Variants in EPHB3 observed in about 807,000 individuals in gnomAD.
EPHB3 encodes the protein ephrin type-B receptor 3.
A neutral mutation model predicts 100.2 loss-of-function variants in EPHB3; 33 were observed. The observed-to-expected ratio is 0.33, with a 90% CI of 0.25 to 0.44. The LOEUF is 0.44. Ranked by LOEUF, EPHB3 falls within the 20% of genes least tolerant of loss-of-function variation. The probability of loss-of-function intolerance (pLI) is 1.00; values close to 1 mark genes in which losing one functional copy is unlikely to be tolerated. For synonymous variants in EPHB3, 526 were observed against 554.7 expected, an observed-to-expected ratio of 0.95 and a Z score of 0.73; for missense variants, 1,045 against 1,378.3, an observed-to-expected ratio of 0.76 and a Z score of 3.83.
At position 184,581,054 on chromosome 3, in the gene EPHB3, G is replaced by T; in HGVS notation, c.2621G>T (p.Cys874Phe). The T allele has an allele frequency of 6.2e-7, 1 of 1,614,158 alleles. No individual in the cohort carries two copies. The highest frequency in any genetic ancestry group is 8.5e-7 in the Non-Finnish European group (1 of 1,180,024). ...PTALHQLMLD[C>F]WVRDRNLRPK... Reference sequence around the variant, plus strand: ...GCACTGCACCAGCTCATGCTGGACTGCTGGGTGCGGGACCGGAACCTCAGG... The same window carrying T: ...GCACTGCACCAGCTCATGCTGGACTTCTGGGTGCGGGACCGGAACCTCAGG... The change falls in exon 14 of 16, where the codon TGC (cysteine) becomes TTC (phenylalanine). Residue 874 changes from cysteine to phenylalanine, a missense_variant. By Grantham distance (205) the Cys-to-Phe change is radical. Around this residue, in one of 2 missense-constraint regions of EPHB3, gnomAD observed 985 missense variants for 1,331.1 expected, o/e 0.74. Coordinates refer to ENST00000330394, the MANE Select transcript of EPHB3 (RefSeq NM_004443.4).
Position 184,573,291 on chromosome 3 carries a change from C to T in EPHB3, c.856+115C>T, listed in dbSNP as rs953848060. 1.5e-6 allele frequency: 2 copies of T among 1,325,078 alleles called. No homozygotes were observed. Among genetic ancestry groups the T allele is most frequent in the Admixed American group, 2.0e-5 (1 of 49,264 alleles). The allele number at this position is 1,325,078 out of a possible 1,614,324, so 82.1% of individuals were successfully genotyped here. On this transcript the variant is annotated intron_variant, in intron 3 of 15. Transcript: ENST00000330394. This position sits in a 1 kb window ranked among gnomAD's most constrained non-coding sequence, Gnocchi z 4.5. The stretch of plus-strand genomic sequence containing the variant: ...TGACTAGGAGGTCTGGGAGCAGGTC[C>T]ACAGTGGAGGCAGGAGAGGGAAGAG...
In EPHB3 at chr3:184,581,384, A is replaced by T. The variant is rs1283844442; in HGVS notation, c.2864A>T (p.Asp955Val). The T allele has an allele frequency of 1.3e-6, 2 of 1,593,372 alleles. No homozygotes were observed. The highest frequency in any genetic ancestry group is 8.6e-7 in the Non-Finnish European group (1 of 1,168,866). Residue 955 changes from aspartate (D) to valine (V), a missense_variant, in exon 15 of 16, where the codon GAC becomes GTC. Asp to Val is a radical substitution (Grantham distance 152). Transcript: ENST00000330394. ...GTCAGTGCGGGGTTTGCATCTTTTG[A>T]CCTGGTGGCCCAGATGACGGCAGAG... ...SFVSAGFASF[D>V]LVAQMTAEDL...
Position 184,577,699 on chromosome 3 carries a change from C to T in EPHB3, c.1521C>T (p.Ser507=), listed in dbSNP as rs771807323. Residue 507 remains serine, a synonymous_variant, in exon 7 of 16, where the codon TCC becomes TCT. Transcript: ENST00000330394. This position sits in a 1 kb window ranked among gnomAD's most constrained non-coding sequence, Gnocchi z 4.9. ...IASTVTSQMN[S]VQLDGLRPDA... ...CCACAGTGACCAGCCAGATGAACTC[C>T]GTGCAGCTGGACGGGCTTCGGCCTG... is the stretch of plus-strand genomic sequence containing the variant. 2.0e-5 allele frequency: 33 copies of T among 1,610,070 alleles called. No individual in the cohort carries two copies. The highest frequency in any genetic ancestry group is 2.0e-4 in the African/African-American group (15 of 74,872).
intron 4 of EPHB3, 115 bp downstream of exon 4, chr3:184,576,100 C>T: frequency 7.2e-7 from 1 of 1,392,538 alleles, no homozygotes; most frequent in Non-Finnish European, 9.6e-7. Flanking sequence ...GGAGCTGAGG[C>T]TCAGGGAAGT....
Position 184,562,453 on chromosome 3 carries a change from G to T in EPHB3, c.118+100G>T. ...CGACCCGGATTGAGCGCACGTCGGA[G>T]GAGGCCCCGCCACCGGCGCCCGCTC... is the stretch of plus-strand genomic sequence containing the variant. On this transcript the variant is annotated intron_variant, in intron 1 of 15. Transcript: ENST00000330394. This position sits in a 1 kb window ranked among gnomAD's most constrained non-coding sequence, Gnocchi z 4.8. 8.9e-7 allele frequency: 1 copy of T among 1,119,534 alleles called. No individual in the cohort carries two copies. The highest frequency in any genetic ancestry group is 1.1e-6 in the Non-Finnish European group (1 of 915,286). 69.4% of individuals were successfully genotyped at this position (1,119,534 alleles called of 1,614,324 possible).
Position 184,563,291 on chromosome 3 carries a change from G to T in EPHB3, c.118+938G>T, listed in dbSNP as rs1216963037. ...TCACGCCCCGTTTCCAAGAATTTCGGAGCCATTAAATGAGAGAGGGTCAGA... is the reference window on the plus strand; with the variant it reads ...TCACGCCCCGTTTCCAAGAATTTCGTAGCCATTAAATGAGAGAGGGTCAGA... On this transcript the variant is annotated intron_variant, in intron 1 of 15. Coordinates refer to ENST00000330394, the MANE Select transcript of EPHB3 (RefSeq NM_004443.4). The surrounding 1 kb of genome is among the most constrained non-coding windows in gnomAD (Gnocchi z 4.1). Among the ~76,000 whole-genome samples the T allele has an allele frequency of 2.0e-5, 3 of 152,160 alleles. No homozygotes were observed. The highest frequency in any genetic ancestry group is 7.2e-5 in the African/African-American group (3 of 41,422).
chr3:184,580,449 G>A lies in EPHB3; in HGVS notation c.2220G>A (p.Arg740=). 1 of 1,614,198 alleles carries A rather than the reference G, an allele frequency of 6.2e-7. No individual in the cohort carries two copies. Among genetic ancestry groups the A allele is most frequent in the Middle Eastern group, 1.6e-4 (1 of 6,062 alleles). ...TCATCCAGCTGGTGGGCATGTTGCG[G>A]GGCATTGCTGCCGGCATGAAGTACC... is the stretch of plus-strand genomic sequence containing the variant. The part of the protein sequence containing the change: ...FTVIQLVGML[R]GIAAGMKYLS... Residue 740 remains arginine (R), a synonymous_variant, in exon 12 of 16, where the codon CGG becomes CGA. Coordinates refer to ENST00000330394, the MANE Select transcript of EPHB3 (RefSeq NM_004443.4).
chr3:184,567,603 C>T (rs985916292), intron 1 of EPHB3, among the ~76,000 whole-genome samples: 3 of 152,064 alleles, frequency 2.0e-5, no homozygotes, highest in Admixed American at 2.0e-4. Context: ...TTTGCAGGGG[C>T]TGTGGCATAT....
Position 184,572,428 on chromosome 3 carries a change from G to C in EPHB3, c.184-76G>C. 6 of 1,474,810 alleles carry C rather than the reference G, an allele frequency of 4.1e-6. No homozygotes were observed. The highest frequency in any genetic ancestry group is 1.4e-5 in the South Asian group (1 of 69,576). 91.4% of individuals were successfully genotyped at this position (1,474,810 alleles called of 1,614,324 possible). The stretch of plus-strand genomic sequence containing the variant: ...TAGAAGCATCCCTGTGAAGTAAATA[G>C]AGCAGATCTGGGCACGAGGGAAGCA... On this transcript the variant is annotated intron_variant, in intron 2 of 15. Transcript: ENST00000330394. The surrounding 1 kb of genome is among the most constrained non-coding windows in gnomAD (Gnocchi z 6.6).
At chr3:184,566,255 G>C (rs948737787) in intron 1 of EPHB3, among the ~76,000 whole-genome samples, 20 of 152,352 alleles carry the variant, frequency 1.3e-4, no homozygotes, top group Non-Finnish European at 2.1e-4. Context: ...ACAGTGGGGT[G>C]GGGGCATGGA....
At chr3:184,576,725 T>C in intron 4 of EPHB3, 117 bp from the exon 5 acceptor site, 1 of 1,010,628 alleles carries the variant, frequency 9.9e-7, no homozygotes, top group Non-Finnish European at 1.4e-6. Flanking sequence ...ATTCTGCTTA[T>C]CAAAGCAGAG....
chr3:184,577,531 A>G lies in EPHB3; in HGVS notation c.1479+64A>G, dbSNP rs1479421201. On this transcript the variant is annotated intron_variant, in intron 6 of 15. Transcript: ENST00000330394. This position sits in a 1 kb window ranked among gnomAD's most constrained non-coding sequence, Gnocchi z 4.9. The stretch of plus-strand genomic sequence containing the variant: ...GCTGGGCTGAGAAAATTACCCCCGG[A>G]TCATGATGGGGCCCTTGGGAGCAAG... The G allele has an allele frequency of 1.2e-6, 2 of 1,603,556 alleles. No individual in the cohort carries two copies. Among genetic ancestry groups the G allele is most frequent in the Non-Finnish European group, 1.7e-6 (2 of 1,174,320 alleles).
chr3:184,564,751 G>A (rs541021260), intron 1 of EPHB3, among the ~76,000 whole-genome samples: 98 of 152,270 alleles, frequency 6.4e-4, no homozygotes, highest in Middle Eastern at 6.8e-3. Context: ...GGCCCAGTGG[G>A]CAGCTGTTTT....
rs1560064555 is a variant in EPHB3 at position 184,580,391 on chromosome 3, G to A, written c.2173-11G>A. The A allele has an allele frequency of 8.7e-6, 14 of 1,614,206 alleles. No individual in the cohort carries two copies. The highest frequency in any genetic ancestry group is 1.2e-5 in the Non-Finnish European group (14 of 1,180,016). On this transcript the variant is annotated splice_polypyrimidine_tract_variant and intron_variant, in intron 11 of 15. Transcript: ENST00000330394. Reference sequence around the variant, plus strand: ...GCAATGGGCTCACCTGAGCCTGCTTGTTGCCTGCAGCTCAACGATGGGCAG... The same window carrying A: ...GCAATGGGCTCACCTGAGCCTGCTTATTGCCTGCAGCTCAACGATGGGCAG...
In EPHB3 at chr3:184,562,244, AGCCC is replaced by A; in HGVS notation, c.17_20del (p.Pro6ArgfsTer42). The stretch of plus-strand genomic sequence containing the variant: ...CTAGAGCTGCCACGGCCATGGCCAG[AGCCC>A]GCCCGCCGCCGCCGCCGTCGCCGCC... On this transcript the variant is annotated frameshift_variant, in exon 1 of 16. Transcript: ENST00000330394. LOFTEE classifies it high-confidence loss of function. The surrounding 1 kb of genome is among the most constrained non-coding windows in gnomAD (Gnocchi z 4.8). The A allele has an allele frequency of 1.9e-6, 2 of 1,032,436 alleles. No individual in the cohort carries two copies. The highest frequency in any genetic ancestry group is 1.7e-5 in the African/African-American group (1 of 58,590). 64.0% of individuals were successfully genotyped at this position (1,032,436 alleles called of 1,614,324 possible). A position where few individuals can be genotyped will look rare whatever the true frequency, so the allele number is the denominator to read the frequency against.
intron 1 of EPHB3, among the ~76,000 whole-genome samples, chr3:184,567,721 C>T (rs1163104992): frequency 6.6e-6 from 1 of 152,218 alleles, no homozygotes; most frequent in Non-Finnish European, 1.5e-5. Flanking sequence ...TTGCACTTTA[C>T]ACCGAAGACT....
rs1714316528 is a variant in EPHB3, at chr3:184,563,762, G to T, written c.118+1409G>T. 6.6e-6 allele frequency among the ~76,000 whole-genome samples: 1 copy of T among 152,226 alleles called. No individual in the cohort carries two copies. Among genetic ancestry groups the T allele is most frequent in the African/African-American group, 2.4e-5 (1 of 41,458 alleles). ...CTTTGTTGTTGATTGCCTTGAGGGT[G>T]TGAGCCAGGGAGCCTGTTCTAGTTG... On this transcript the variant is annotated intron_variant, in intron 1 of 15. Coordinates refer to ENST00000330394, the MANE Select transcript of EPHB3 (RefSeq NM_004443.4). The surrounding 1 kb of genome is among the most constrained non-coding windows in gnomAD (Gnocchi z 4.1).
rs1356133376 is a variant in EPHB3, at chr3:184,562,302, C to G, written c.67C>G (p.Leu23Val). 8.1e-7 allele frequency: 1 copy of G among 1,233,846 alleles called. No individual in the cohort carries two copies. The highest frequency in any genetic ancestry group is 1.6e-5 in the African/African-American group (1 of 63,260). The allele number at this position is 1,233,846 out of a possible 1,614,324, so 76.4% of individuals were successfully genotyped here. The change falls in exon 1 of 16, where the codon CTG becomes GTG. Residue 23 changes from leucine to valine, a missense_variant. Leu to Val is a conservative substitution (Grantham distance 32). Around this residue, in one of 2 missense-constraint regions of EPHB3, gnomAD observed 60 missense variants for 47.2 expected, o/e 1.27. Coordinates refer to ENST00000330394, the MANE Select transcript of EPHB3 (RefSeq NM_004443.4). The surrounding 1 kb of genome is among the most constrained non-coding windows in gnomAD (Gnocchi z 4.8). ...GGGGCTTCTGCCGCTGCTCCCTCCG[C>G]TGCTGCTGCTGCCGCTGCTGCTGCT... ...PPGLLPLLPP[L>V]LLLPLLLLPA...
At position 184,562,272 on chromosome 3, in the gene EPHB3, C is replaced by T; in HGVS notation, c.37C>T (p.Pro13Ser). 8.4e-7 allele frequency: 1 copy of T among 1,196,148 alleles called. No homozygotes were observed. The highest frequency in any genetic ancestry group is 1.0e-6 in the Non-Finnish European group (1 of 957,782). 74.1% of individuals were successfully genotyped at this position (1,196,148 alleles called of 1,614,324 possible). A position where few individuals can be genotyped will look rare whatever the true frequency, so the allele number is the denominator to read the frequency against. Residue 13 changes from proline to serine, a missense_variant, in exon 1 of 16, where the codon CCG becomes TCG. Pro to Ser is a moderately conservative substitution (Grantham distance 74). Transcript: ENST00000330394. This position sits in a 1 kb window ranked among gnomAD's most constrained non-coding sequence, Gnocchi z 4.8. ...RARPPPPPSP[P>S]PGLLPLLPPL... ...CCGCCCGCCGCCGCCGCCGTCGCCG[C>T]CGCCGGGGCTTCTGCCGCTGCTCCC...
Sources: gnomAD v4.1 joint callset for allele counts (sites outside exome capture counted in the v4.1 genomes callset) on GRCh38, gnomAD v4.1.1 for gene constraint, gnomAD v4.1.1 regional missense constraint, Gnocchi (gnomAD v3.1) non-coding constraint, MANE v1.5 for transcripts, NCBI Gene and HGNC (gene_info 2026-07-23, HGNC 2026-07-21) for gene names.